PNPLA6: variants seen among roughly 807,000 people sequenced by gnomAD.
PNPLA6 encodes patatin like domain 6, lysophospholipase.
In PNPLA6, 105 loss-of-function variants were observed where a neutral mutation model predicts 153.7. The observed-to-expected ratio is 0.68, with a 90% CI of 0.58 to 0.80. The LOEUF is 0.80. Ranked by LOEUF, PNPLA6 falls within the 30% of genes least tolerant of loss-of-function variation. PNPLA6 has a pLI of 0.00. For missense variants in PNPLA6, 1,423 were observed against 1,919.3 expected (o/e 0.74, Z 4.83); for synonymous variants, 825 against 822.2 (o/e 1.00, Z -0.06).
Position 7,561,221 on chromosome 19 carries a change from T to C in PNPLA6, c.3927T>C (p.Asp1309=). 6.2e-7 allele frequency: 1 copy of C among 1,609,368 alleles called. No individual in the cohort carries two copies. The highest frequency in any genetic ancestry group is 1.3e-5 in the African/African-American group (1 of 74,940). ...SDGCADGEES[D]CLTEYEEDAG... The stretch of plus-strand genomic sequence containing the variant: ...CCCCGATTCCAGGAGAGGAGTCAGA[T>C]TGTCTGACAGAGTATGAGGAGGACG... The change falls in exon 31 of 32, where the codon GAT becomes GAC. Residue 1309 remains aspartate (D), a synonymous_variant. Coordinates refer to ENST00000600737, the MANE Select transcript of PNPLA6 (RefSeq NM_001166114.2).
At position 7,560,680 on chromosome 19, in the gene PNPLA6, T is replaced by G; in HGVS notation, c.3732T>G (p.Phe1244Leu). Residue 1244 changes from phenylalanine (F) to leucine (L), a missense_variant, in exon 29 of 32, where the codon TTT (phenylalanine) becomes TTG (leucine). Around this residue, in one of 10 missense-constraint regions of PNPLA6, gnomAD observed 643 missense variants for 835.2 expected, o/e 0.77. Transcript: ENST00000600737. Reference sequence around the variant, plus strand: ...GCTACCAGTACGGGAAGGCGGTGTTTGGAGGCTGGAGCCGTGGCAACGTCA... The same window carrying G: ...GCTACCAGTACGGGAAGGCGGTGTTGGGAGGCTGGAGCCGTGGCAACGTCA... ...DVGYQYGKAV[F>L]GGWSRGNVIE... 6.2e-7 allele frequency: 1 copy of G among 1,613,886 alleles called. No individual in the cohort carries two copies. Among genetic ancestry groups the G allele is most frequent in the Non-Finnish European group, 8.5e-7 (1 of 1,179,828 alleles).
At position 7,540,400 on chromosome 19, in the gene PNPLA6, T is replaced by C; in HGVS notation, c.714+92T>C. 1.4e-6 allele frequency: 2 copies of C among 1,406,928 alleles called. No homozygotes were observed. Among genetic ancestry groups the C allele is most frequent in the Non-Finnish European group, 1.9e-6 (2 of 1,034,138 alleles). The allele number at this position is 1,406,928 out of a possible 1,614,324, so 87.2% of individuals were successfully genotyped here. A position where few individuals can be genotyped will look rare whatever the true frequency, so the allele number is the denominator to read the frequency against. ...CTGTAGAGCTGGTGGTCTTTGGAGA[T>C]GCGTCATCGGGAGTCAGGGGAACGG... On this transcript the variant is annotated intron_variant, in intron 5 of 31. Transcript: ENST00000600737. The surrounding 1 kb of genome is among the most constrained non-coding windows in gnomAD (Gnocchi z 6.8).
chr19:7,541,345 G>A lies in PNPLA6; in HGVS notation c.925-9G>A, dbSNP rs1363958306. The A allele has an allele frequency of 3.1e-6, 5 of 1,612,918 alleles. No homozygotes were observed. Among genetic ancestry groups the A allele is most frequent in the Non-Finnish European group, 4.2e-6 (5 of 1,179,264 alleles). ...CCCATCTTATGGCCACGCCCCTCGA[G>A]CCCTGCAGATCATCATGGTGCGGCT... On this transcript the variant is annotated splice_polypyrimidine_tract_variant and intron_variant, in intron 7 of 31. Coordinates refer to ENST00000600737, the MANE Select transcript of PNPLA6 (RefSeq NM_001166114.2). This position sits in a 1 kb window ranked among gnomAD's most constrained non-coding sequence, Gnocchi z 5.2.
Position 7,551,457 on chromosome 19 carries a change from G to C in PNPLA6, c.2260+20G>C. On this transcript the variant is annotated intron_variant, in intron 18 of 31. Coordinates refer to ENST00000600737, the MANE Select transcript of PNPLA6 (RefSeq NM_001166114.2). The stretch of plus-strand genomic sequence containing the variant: ...TCCCAGGTGAGAGCCGGCCGGCCCA[G>C]AGCGTGCTGGGAGATGTAGTCCGGC... 1 of 1,603,712 alleles carries C rather than the reference G, an allele frequency of 6.2e-7. No individual in the cohort carries two copies. Among genetic ancestry groups the C allele is most frequent in the South Asian group, 1.1e-5 (1 of 90,818 alleles).
rs2023576110 is a variant in PNPLA6, at chr19:7,550,067, A to C, written c.1769A>C (p.Gln590Pro). ...CCTCTCATCTTCACACTGCGAGCCC[A>C]ACGCGACTGCACCTTCCTGCGGATC... ...GEPLIFTLRA[Q>P]RDCTFLRISK... The change falls in exon 14 of 32, where the codon CAA becomes CCA. Residue 590 changes from glutamine to proline, a missense_variant. By Grantham distance (76) the Gln-to-Pro change is moderately conservative. Coordinates refer to ENST00000600737, the MANE Select transcript of PNPLA6 (RefSeq NM_001166114.2). 1 of 1,614,082 alleles carries C rather than the reference A, an allele frequency of 6.2e-7. No individual in the cohort carries two copies. The highest frequency in any genetic ancestry group is 1.1e-5 in the South Asian group (1 of 91,086).
chr19:7,535,887 G>A lies in PNPLA6; in HGVS notation c.99G>A (p.Ser33=). The A allele has an allele frequency of 6.5e-7, 1 of 1,546,280 alleles. No individual in the cohort carries two copies. Among genetic ancestry groups the A allele is most frequent in the Non-Finnish European group, 8.7e-7 (1 of 1,151,320 alleles). The change falls in exon 1 of 32, where the codon TCG becomes TCA. Residue 33 remains serine, a synonymous_variant. Coordinates refer to ENST00000600737, the MANE Select transcript of PNPLA6 (RefSeq NM_001166114.2). The surrounding 1 kb of genome is among the most constrained non-coding windows in gnomAD (Gnocchi z 5.0). ...FQDVLAPGEG[S]AGRICGAQPV... ...ACGTCCTGGCGCCCGGGGAAGGCTC[G>A]GCGGGACGGATTTGCGGTGCGCAGC...
chr19:7,544,237 G>A (rs907336319), intron 13 of PNPLA6, among the ~76,000 whole-genome samples: 20 of 151,844 alleles, frequency 1.3e-4, no homozygotes, highest in African/African-American at 4.8e-4. Flanking sequence ...TCAGCCTCCC[G>A]AGTAGCTGGG....
Position 7,540,752 on chromosome 19 carries a change from G to A in PNPLA6, c.795+42G>A, listed in dbSNP as rs370137583. 249 of 1,559,616 alleles carry A rather than the reference G, an allele frequency of 1.6e-4. No individual in the cohort carries two copies. Among genetic ancestry groups the A allele is most frequent in the Non-Finnish European group, 2.1e-4 (235 of 1,130,324 alleles). On this transcript the variant is annotated intron_variant, in intron 6 of 31. Transcript: ENST00000600737. The surrounding 1 kb of genome is among the most constrained non-coding windows in gnomAD (Gnocchi z 6.8). ...TGAGGCAGGGGGGCTGGGGTGCAAG[G>A]TCCCACCCAAGGGACTAGGTTGAAG... is the stretch of plus-strand genomic sequence containing the variant.
chr19:7,549,636 G>A, intron 13 of PNPLA6: 1 of 501,590 alleles, frequency 2.0e-6, no homozygotes, highest in East Asian at 3.7e-5. Flanking sequence ...TTACAGACAT[G>A]TGCCACGACG....
intron 18 of PNPLA6, 140 bp from the exon 19 acceptor site, chr19:7,553,733 CTT>C: frequency 9.7e-7 from 1 of 1,033,564 alleles, no homozygotes; most frequent in Non-Finnish European, 1.5e-6. Context: ...AGAGTCAAGA[CTT>C]TGGGCAACTG....
intron 26 of PNPLA6, 128 bp from the exon 27 acceptor site, chr19:7,557,040 G>T: frequency 2.4e-6 from 2 of 840,074 alleles, no homozygotes; most frequent in African/African-American, 3.3e-5. Flanking sequence ...CCCCAAGGAC[G>T]GGCACCTGCT....
At chr19:7,537,635 T>TTTTG (rs373041665) in intron 3 of PNPLA6, among the ~76,000 whole-genome samples, 48 of 152,196 alleles carry the variant, frequency 3.2e-4, no homozygotes, top group Admixed American at 1.0e-3. Context: ...GTCCTTTCTT[T>TTTTG]TTTGTTTGTT....
chr19:7,557,396 C>G, intron 27 of PNPLA6, 112 bp downstream of exon 27: 2 of 743,116 alleles, frequency 2.7e-6, no homozygotes, highest in Non-Finnish European at 4.8e-6. Flanking sequence ...CCCAAGCTGC[C>G]CATGCAGGGG....
chr19:7,548,872 G>T (rs1375430024), intron 13 of PNPLA6, among the ~76,000 whole-genome samples: 3 of 146,150 alleles, frequency 2.1e-5, no homozygotes, highest in African/African-American at 7.7e-5. Context: ...GCGCGATCTC[G>T]GCTCACTGCA....
At chr19:7,543,531 C>T (rs147615138) in intron 13 of PNPLA6, among the ~76,000 whole-genome samples, 6 of 152,268 alleles carry the variant, frequency 3.9e-5, no homozygotes, top group Admixed American at 6.5e-5. Flanking sequence ...GGCCTTGTGG[C>T]GGCACCCAGG....
Position 7,542,644 on chromosome 19 carries a change from G to A in PNPLA6, c.1336G>A (p.Gly446Arg), listed in dbSNP as rs573529919. The change falls in exon 11 of 32, where the codon GGG (glycine) becomes AGG (arginine). Residue 446 changes from glycine to arginine, a missense_variant. By Grantham distance (125) the Gly-to-Arg change is moderately radical. This residue lies in a region of PNPLA6 where 267 missense variants were observed against 255.1 expected (regional missense o/e 1.05). Coordinates refer to ENST00000600737, the MANE Select transcript of PNPLA6 (RefSeq NM_001166114.2). ...ISVSLQEEAS[G>R]GSLAAPARTP... ...CGTGTCCCTGCAGGAAGAGGCCTCCGGGGGGTCCCTGGCAGCCCCCGCTCG... is the reference window on the plus strand; with the variant it reads ...CGTGTCCCTGCAGGAAGAGGCCTCCAGGGGGTCCCTGGCAGCCCCCGCTCG... The A allele has an allele frequency of 6.2e-7, 1 of 1,612,926 alleles. No individual in the cohort carries two copies. The highest frequency in any genetic ancestry group is 8.5e-7 in the Non-Finnish European group (1 of 1,179,656).
chr19:7,554,198 C>A lies in PNPLA6; in HGVS notation c.2402-11C>A, dbSNP rs756209420. The A allele has an allele frequency of 3.4e-5, 55 of 1,613,746 alleles. No individual in the cohort carries two copies. The highest frequency in any genetic ancestry group is 4.5e-5 in the Non-Finnish European group (53 of 1,179,616). On this transcript the variant is annotated splice_polypyrimidine_tract_variant and intron_variant, in intron 19 of 31. Coordinates refer to ENST00000600737, the MANE Select transcript of PNPLA6 (RefSeq NM_001166114.2). ...CATGGTTCCCAGCCTCCCTTCCCCACCTACCCCTAGGTCCGACGCTACTCC... is the reference window on the plus strand; with the variant it reads ...CATGGTTCCCAGCCTCCCTTCCCCAACTACCCCTAGGTCCGACGCTACTCC...
chr19:7,537,100 G>T (rs2022912921), intron 3 of PNPLA6, among the ~76,000 whole-genome samples: 1 of 152,036 alleles, frequency 6.6e-6, no homozygotes, highest in African/African-American at 2.4e-5. Context: ...TGGAGTATCT[G>T]AGCTATTTGT....
chr19:7,550,337 G>T lies in PNPLA6; in HGVS notation c.1854G>T (p.Ala618=). The T allele has an allele frequency of 6.2e-7, 1 of 1,612,542 alleles. No homozygotes were observed. The highest frequency in any genetic ancestry group is 8.5e-7 in the Non-Finnish European group (1 of 1,180,042). Reference sequence around the variant, plus strand: ...AGCCCAGTGTGGTGCTGAGTGCGGCGCACACGGTGGCAGCCAGGATGTCGC... The same window carrying T: ...AGCCCAGTGTGGTGCTGAGTGCGGCTCACACGGTGGCAGCCAGGATGTCGC... ...RAQPSVVLSA[A]HTVAARMSPF... The change falls in exon 15 of 32, where the codon GCG becomes GCT. Residue 618 remains alanine, a synonymous_variant. Transcript: ENST00000600737.
Sources: allele counts gnomAD v4.1 joint callset (sites outside exome capture counted in the v4.1 genomes callset), GRCh38; gene constraint gnomAD v4.1.1; regional missense constraint gnomAD v4.1.1; non-coding constraint Gnocchi (gnomAD v3.1); transcripts MANE v1.5; gene names NCBI Gene and HGNC (gene_info 2026-07-23, HGNC 2026-07-21).